GPHN: variants seen among roughly 807,000 people sequenced by gnomAD.
GPHN encodes gephyrin.
A neutral mutation model predicts 95.5 loss-of-function variants in GPHN; 17 were observed. That is an observed-to-expected ratio of 0.18 (90% CI 0.12 to 0.27). The LOEUF is 0.27. Ranked by LOEUF, GPHN falls within the 10% of genes least tolerant of loss-of-function variation. The pLI, the probability that GPHN is intolerant of heterozygous loss-of-function variation, is 1.00. For synonymous variants in GPHN, 320 were observed against 322.5 expected, an observed-to-expected ratio of 0.99 and a Z score of 0.08; for missense variants, 660 against 978.1, an observed-to-expected ratio of 0.67 and a Z score of 4.34.
chr14:67,620,854 C>T, the GPHN span: 34 of 1,610,002 alleles, frequency 2.1e-5, no homozygotes, highest in Admixed American at 3.4e-4. Context: ...TTTTCCGACA[C>T]CTTCTCTACC....
At chr14:67,574,433 A>C in the GPHN span, 1 of 1,467,190 alleles carries the variant, frequency 6.8e-7, no homozygotes, top group Non-Finnish European at 9.1e-7. The surrounding 1 kb of genome is among the most constrained non-coding windows in gnomAD (Gnocchi z 4.2). Flanking sequence ...GGGCAGGAAC[A>C]TGTGCCTCCT....
the GPHN span, among the ~76,000 whole-genome samples, chr14:67,281,369 A>G: frequency 6.6e-6 from 1 of 152,210 alleles, no homozygotes; most frequent in African/African-American, 2.4e-5. Context: ...TTTTAATTAC[A>G]GTGAAAGCTA....
chr14:67,044,501 C>T (rs1311358672), intron 10 of GPHN, among the ~76,000 whole-genome samples: 1 of 152,016 alleles, frequency 6.6e-6, no homozygotes, highest in Admixed American at 6.6e-5. Context: ...TGTATATTTT[C>T]CCCAGGACAT....
chr14:67,214,279 T>C, the GPHN span, among the ~76,000 whole-genome samples: 67 of 152,198 alleles, frequency 4.4e-4, no homozygotes, highest in Non-Finnish European at 9.3e-4. Flanking sequence ...GGTTTTCTTT[T>C]AGGGTTTTTA....
At chr14:67,549,252 T>A in the GPHN span, among the ~76,000 whole-genome samples, 1 of 151,808 alleles carries the variant, frequency 6.6e-6, no homozygotes, top group African/African-American at 2.4e-5. Flanking sequence ...TGCGTGTGTG[T>A]GTGTGTAAAA....
At chr14:66,849,908 A>G (rs1393581570) in intron 4 of GPHN, among the ~76,000 whole-genome samples, 1 of 152,112 alleles carries the variant, frequency 6.6e-6, no homozygotes, top group Non-Finnish European at 1.5e-5. Flanking sequence ...ACCAGTACTC[A>G]ATTATTTTAT....
chr14:66,779,126 T>A (rs955522246), intron 3 of GPHN, among the ~76,000 whole-genome samples: 1 of 152,192 alleles, frequency 6.6e-6, no homozygotes, highest in Non-Finnish European at 1.5e-5. Flanking sequence ...ATCTATTATA[T>A]GATACACTAT....
chr14:66,765,448 G>T (rs1364069310), intron 2 of GPHN, among the ~76,000 whole-genome samples: 1 of 151,880 alleles, frequency 6.6e-6, no homozygotes, highest in Non-Finnish European at 1.5e-5. Context: ...ATAAAGGAAT[G>T]AGAGCATGTC....
At chr14:66,924,868 C>A (rs2066403566) in intron 8 of GPHN, among the ~76,000 whole-genome samples, 2 of 149,228 alleles carry the variant, frequency 1.3e-5, no homozygotes, top group Non-Finnish European at 3.0e-5. Context: ...TGATAGCTTG[C>A]AAAAAAATGC....
At chr14:67,131,319 T>C (rs997721754) in intron 17 of GPHN, among the ~76,000 whole-genome samples, 1 of 152,150 alleles carries the variant, frequency 6.6e-6, no homozygotes, top group Non-Finnish European at 1.5e-5. Context: ...GGTTGTTTTC[T>C]TTCCCACCAG....
chr14:66,835,912 A>G (rs2061784646), intron 4 of GPHN, among the ~76,000 whole-genome samples: 1 of 149,582 alleles, frequency 6.7e-6, no homozygotes, highest in African/African-American at 2.5e-5. Context: ...TTCAAGGAGA[A>G]CTACAAACCA....
At chr14:66,576,967 A>T (rs2060930944) in intron 1 of GPHN, among the ~76,000 whole-genome samples, 1 of 152,132 alleles carries the variant, frequency 6.6e-6, no homozygotes, top group Non-Finnish European at 1.5e-5. Flanking sequence ...TCTTAAATCA[A>T]TGTCTGTGTC....
At chr14:67,725,002 G>A in the GPHN span, 6 of 1,358,672 alleles carry the variant, frequency 4.4e-6, no homozygotes, top group Non-Finnish European at 5.3e-6. Context: ...ATGGCTGGGA[G>A]AATGAATGCT....
intron 11 of GPHN, among the ~76,000 whole-genome samples, chr14:67,072,158 A>G (rs1277508649): frequency 6.6e-6 from 1 of 152,180 alleles, no homozygotes; most frequent in African/African-American, 2.4e-5. Flanking sequence ...AGGATTCAGA[A>G]TGTATGCAGT....
chr14:67,210,319 C>A, the GPHN span, among the ~76,000 whole-genome samples: 3 of 152,224 alleles, frequency 2.0e-5, no homozygotes, highest in South Asian at 6.2e-4. Context: ...GGCATGGTGG[C>A]TCCTGCCTAT....
chr14:67,272,895 C>T, the GPHN span, among the ~76,000 whole-genome samples: 2 of 152,116 alleles, frequency 1.3e-5, no homozygotes, highest in African/African-American at 4.8e-5. Flanking sequence ...TCTCAAACTA[C>T]TAGTCTTAAG....
intron 1 of GPHN, among the ~76,000 whole-genome samples, chr14:66,608,040 G>GT (rs551854379): frequency 0.75 from 87,733 of 117,432 alleles, 31,329 homozygotes; most frequent in Non-Finnish European, 0.84. Context: ...TAGCTTTGTG[G>GT]TTTTTTTTTT....
At chr14:67,189,537 A>C in the GPHN span, 1 of 152,130 alleles carries the variant, frequency 6.6e-6, no homozygotes, top group Non-Finnish European at 1.5e-5. Context: ...CATCCAGGAG[A>C]TCTCCAGAGA....
rs568102643 is a variant in GPHN, at chr14:67,067,497, A to C, written c.1144+8711A>C. On this transcript the variant is annotated intron_variant, in intron 11 of 22. Transcript: ENST00000478722. ...ACTGCTCTCTTCAGAGCTGTCAGAC[A>C]GGGACGTTTAAGTCTGCAGAATTTT... Among the ~76,000 whole-genome samples, 7 of 152,326 alleles carry C rather than the reference A, an allele frequency of 4.6e-5. No individual in the cohort carries two copies. The South Asian group carries it at 1.4e-3, about 32-fold the overall frequency.
Sources: allele counts gnomAD v4.1 joint callset (sites outside exome capture counted in the v4.1 genomes callset), GRCh38; gene constraint gnomAD v4.1.1; non-coding constraint Gnocchi (gnomAD v3.1); transcripts MANE v1.5; gene names NCBI Gene and HGNC (gene_info 2026-07-23, HGNC 2026-07-21).